The following DYRK1A variants were observed in gnomAD, a reference collection of about 807,000 sequenced individuals.
The protein encoded by DYRK1A is dual specificity tyrosine phosphorylation regulated kinase 1A.
Under a neutral mutation model 79.7 loss-of-function variants are expected in DYRK1A, and 9 were observed. That is an observed-to-expected ratio of 0.11 (90% confidence interval 0.07 to 0.20). DYRK1A has a LOEUF of 0.20. DYRK1A is among the 10% of genes least tolerant of loss of function. The pLI is 1.00. For missense variants in DYRK1A, 622 were observed against 956.0 expected (o/e 0.65, Z 4.61); for synonymous variants, 349 against 329.7 (o/e 1.06, Z -0.63).
At chr21:37,492,607 A>C (rs940993009) in intron 7 of DYRK1A, among the ~76,000 whole-genome samples, 1 of 152,230 alleles carries the variant, frequency 6.6e-6, no homozygotes, top group Admixed American at 6.5e-5. Context: ...TGAGAAATAC[A>C]TTGTTTGGGT....
chr21:37,397,388 C>T (rs895300768), intron 1 of DYRK1A, among the ~76,000 whole-genome samples: 2 of 152,132 alleles, frequency 1.3e-5, no homozygotes, highest in Non-Finnish European at 2.9e-5. Flanking sequence ...TATTGAAAGA[C>T]AAGTTTTGAA....
chr21:37,491,321 G>A (rs1024844272), intron 7 of DYRK1A, among the ~76,000 whole-genome samples: 3 of 152,048 alleles, frequency 2.0e-5, no homozygotes, highest in African/African-American at 7.2e-5. Flanking sequence ...AAAGGAATTA[G>A]TGTCACCATT....
At chr21:37,411,747 T>A (rs369219666) in intron 1 of DYRK1A, among the ~76,000 whole-genome samples, 1 of 152,200 alleles carries the variant, frequency 6.6e-6, no homozygotes, top group Admixed American at 6.5e-5. Context: ...TTTAGAAAAT[T>A]TAGAGAATAC....
intron 2 of DYRK1A, among the ~76,000 whole-genome samples, chr21:37,426,765 A>G (rs1230283575): frequency 1.3e-5 from 2 of 150,464 alleles, no homozygotes; most frequent in Non-Finnish European, 3.0e-5. Flanking sequence ...AAAAAAAAAA[A>G]AAAAATAAGC....
intron 1 of DYRK1A, among the ~76,000 whole-genome samples, chr21:37,410,216 A>G (rs73216441): frequency 0.075 from 11,489 of 152,242 alleles, 643 homozygotes; most frequent in Non-Finnish European, 0.11. Flanking sequence ...GAGAAGAGAG[A>G]TGGAAAATCT....
intron 2 of DYRK1A, among the ~76,000 whole-genome samples, chr21:37,454,948 C>G (rs2051585626): frequency 6.6e-6 from 1 of 150,672 alleles, no homozygotes; most frequent in African/African-American, 2.4e-5. Context: ...CCTGAGTGTG[C>G]TGTGCTCAGC....
intron 8 of DYRK1A, among the ~76,000 whole-genome samples, chr21:37,495,152 TTGTGTGTGTGTGTG>T (rs56226706): frequency 0.25 from 33,978 of 137,656 alleles, 4,162 homozygotes; most frequent in East Asian, 0.35. Context: ...CTCTGGGATT[TTGTGTGTGTGTGTG>T]TGTGTGTGTG....
intron 2 of DYRK1A, among the ~76,000 whole-genome samples, chr21:37,462,488 A>G (rs774500694): frequency 5.9e-5 from 9 of 152,154 alleles, no homozygotes; most frequent in East Asian, 3.8e-4. Context: ...TGAACACTCA[A>G]TGTCTTACAG....
intron 6 of DYRK1A, 198 bp downstream of exon 6, chr21:37,486,812 A>G (rs947838404): frequency 2.3e-6 from 1 of 428,230 alleles, no homozygotes; most frequent in Non-Finnish European, 4.0e-6. Flanking sequence ...TGTGCCTTCC[A>G]TGTAGCATAC....
intron 2 of DYRK1A, among the ~76,000 whole-genome samples, chr21:37,426,356 A>G (rs894639259): frequency 5.9e-5 from 9 of 152,194 alleles, no homozygotes; most frequent in Admixed American, 4.6e-4. Flanking sequence ...AGAAAAGCAT[A>G]AGGAGCCGAA....
intron 9 of DYRK1A, among the ~76,000 whole-genome samples, chr21:37,500,897 T>C (rs2053422658): frequency 6.6e-6 from 1 of 151,822 alleles, no homozygotes; most frequent in African/African-American, 2.4e-5. Flanking sequence ...TATTAATCTT[T>C]GCAGACAACC....
chr21:37,412,286 A>G (rs536539824), intron 1 of DYRK1A, among the ~76,000 whole-genome samples: 4 of 152,340 alleles, frequency 2.6e-5, no homozygotes, highest in Admixed American at 2.6e-4. Flanking sequence ...ATACGTTTCT[A>G]AATTATAGAG....
intron 1 of DYRK1A, among the ~76,000 whole-genome samples, chr21:37,389,309 G>A (rs139936528): frequency 8.9e-4 from 135 of 151,290 alleles, no homozygotes; most frequent in African/African-American, 3.0e-3. Context: ...GAATATAGGC[G>A]TACACCACCA....
rs1194607881 is a variant in DYRK1A, at chr21:37,492,999, T to C, written c.925-18T>C. ...GTTTTAAGCAATTGAAGTAATACTA[T>C]TTTGAAATATATTTCAGATATACCA... On this transcript the variant is annotated intron_variant, in intron 7 of 11. Transcript: ENST00000647188. The C allele has an allele frequency of 6.4e-7, 1 of 1,572,324 alleles. No individual in the cohort carries two copies. The highest frequency in any genetic ancestry group is 1.7e-5 in the Admixed American group (1 of 59,100).
At chr21:37,432,920 G>C (rs2050816778) in intron 2 of DYRK1A, among the ~76,000 whole-genome samples, 1 of 150,546 alleles carries the variant, frequency 6.6e-6, no homozygotes, top group African/African-American at 2.4e-5. Context: ...AAGTTGCAGT[G>C]AGCCGAGATC....
Position 37,402,401 on chromosome 21 carries a change from T to C in DYRK1A, c.-76-17898T>C, listed in dbSNP as rs189359589. ...GAATGTAGAATTCTAGATTGATACTTTTTGTCTTTTAGCACTTTAATGGTG... is the reference window on the plus strand; with the variant it reads ...GAATGTAGAATTCTAGATTGATACTCTTTGTCTTTTAGCACTTTAATGGTG... On this transcript the variant is annotated intron_variant, in intron 1 of 11. Coordinates refer to ENST00000647188, the MANE Select transcript of DYRK1A (RefSeq NM_001347721.2). Among the ~76,000 whole-genome samples, 3 of 152,338 alleles carry C rather than the reference T, an allele frequency of 2.0e-5. No homozygotes were observed. The East Asian group carries it at 5.8e-4, about 29-fold the overall frequency.
Position 37,512,720 on chromosome 21 carries a change from T to C in DYRK1A, c.*189T>C, listed in dbSNP as rs2053791349. ...GACATTGAAGTGTTTAAAAGAGCCA[T>C]GTCCAAACCCATCTTCATGGATAGC... On this transcript the variant is annotated 3_prime_UTR_variant, in exon 12 of 12. Transcript: ENST00000647188. 3.0e-6 allele frequency: 2 copies of C among 655,966 alleles called. No individual in the cohort carries two copies. Among genetic ancestry groups the C allele is most frequent in the Non-Finnish European group, 5.1e-6 (2 of 392,004 alleles). The allele number at this position is 655,966 out of a possible 1,614,324, so 40.6% of individuals were successfully genotyped here.
chr21:37,417,529 C>CTTTTTCTTTTTTTTT (rs1555959239), intron 1 of DYRK1A, among the ~76,000 whole-genome samples: 4 of 44,070 alleles, frequency 9.1e-5, no homozygotes, highest in Non-Finnish European at 1.2e-4. Flanking sequence ...TTTTCTTTTT[C>CTTTTTCTTTTTTTTT]TTTTTTTTTT....
intron 1 of DYRK1A, among the ~76,000 whole-genome samples, chr21:37,371,157 C>G (rs1569272736): frequency 6.6e-6 from 1 of 152,178 alleles, no homozygotes; most frequent in Non-Finnish European, 1.5e-5. Flanking sequence ...TTTTTGAAAT[C>G]TTGCCTTATG....
Sources: allele counts gnomAD v4.1 joint callset (sites outside exome capture counted in the v4.1 genomes callset), GRCh38; gene constraint gnomAD v4.1.1; transcripts MANE v1.5; gene names NCBI Gene and HGNC (gene_info 2026-07-23, HGNC 2026-07-21).